RBFOX1: variants seen among roughly 807,000 people sequenced by gnomAD.
RBFOX1 encodes RNA binding protein fox-1 homolog 1.
RBFOX1 carries 8 observed loss-of-function variants against 57.7 expected under a neutral mutation model. The observed-to-expected ratio is 0.14, with a 90% confidence interval of 0.08 to 0.25. The LOEUF (loss-of-function observed/expected upper bound fraction) is 0.25. Ranked by LOEUF, RBFOX1 falls within the 10% of genes least tolerant of loss-of-function variation. The pLI is 1.00. For missense variants in RBFOX1, 611 were observed against 548.5 expected (o/e 1.11, Z -1.14); for synonymous variants, 326 against 222.4 (o/e 1.47, Z -4.15).
chr16:6,606,681 A>G (rs568504600), intron 2 of RBFOX1, among the ~76,000 whole-genome samples: 3 of 152,196 alleles, frequency 2.0e-5, no homozygotes, highest in East Asian at 3.9e-4. Context: ...CCCTGCAAAA[A>G]ACATCTCATT....
intron 4 of RBFOX1, among the ~76,000 whole-genome samples, chr16:7,116,619 G>T (rs542762544): frequency 6.6e-6 from 1 of 152,300 alleles, no homozygotes; most frequent in Admixed American, 6.5e-5. Flanking sequence ...CACAGCAGCT[G>T]TCCAGGGCTG....
intron 1 of RBFOX1, among the ~76,000 whole-genome samples, chr16:6,065,406 T>C (rs2152470027): frequency 6.6e-6 from 1 of 152,208 alleles, no homozygotes; most frequent in East Asian, 1.9e-4. Flanking sequence ...ACAGTTTCAG[T>C]GCTATTGTGT....
intron 4 of RBFOX1, among the ~76,000 whole-genome samples, chr16:5,908,303 C>CACATATATATACACATATATATATAT: frequency 1.4e-5 from 1 of 69,512 alleles, no homozygotes; most frequent in Admixed American, 1.7e-4. Flanking sequence ...TATATATATA[C>CACATATATATACACATATATATATAT]ACACATATAT....
intron 2 of RBFOX1, among the ~76,000 whole-genome samples, chr16:6,352,717 A>G (rs188029166): frequency 7.6e-4 from 116 of 152,248 alleles, no homozygotes; most frequent in African/African-American, 2.7e-3. Flanking sequence ...CATTTATCAT[A>G]TTGAAGCAGC....
At chr16:6,462,286 G>T (rs1324532746) in intron 2 of RBFOX1, among the ~76,000 whole-genome samples, 2 of 152,158 alleles carry the variant, frequency 1.3e-5, no homozygotes, top group Admixed American at 6.6e-5. Context: ...ATGCTCTTCT[G>T]TATGGTCCCC....
chr16:5,609,203 C>T (rs1054707736), intron 3 of RBFOX1, among the ~76,000 whole-genome samples: 1 of 152,186 alleles, frequency 6.6e-6, no homozygotes, highest in Admixed American at 6.5e-5. Context: ...GGGCCTTCTT[C>T]CAAACTCCCA....
At chr16:6,861,817 C>T (rs959983429) in intron 3 of RBFOX1, among the ~76,000 whole-genome samples, 1 of 140,406 alleles carries the variant, frequency 7.1e-6, no homozygotes, top group African/African-American at 2.8e-5. Flanking sequence ...TAGCCAGCGT[C>T]CCTTGGTTTT....
chr16:6,445,696 C>A (rs2094470844), intron 2 of RBFOX1, among the ~76,000 whole-genome samples: 1 of 151,820 alleles, frequency 6.6e-6, no homozygotes, highest in Non-Finnish European at 1.5e-5. Context: ...GATTCTCCTG[C>A]CTCAGCCTCC....
intron 2 of RBFOX1, among the ~76,000 whole-genome samples, chr16:5,572,528 C>T (rs142113469): frequency 1.3e-5 from 2 of 152,100 alleles, no homozygotes; most frequent in Non-Finnish European, 1.5e-5. Context: ...CATCTTCTTC[C>T]CCAGTCATGA....
At chr16:5,469,538 G>A (rs938636069) in intron 2 of RBFOX1, among the ~76,000 whole-genome samples, 6 of 152,112 alleles carry the variant, frequency 3.9e-5, no homozygotes, top group Admixed American at 6.5e-5. Context: ...GAAGTTAGGC[G>A]TTTTACAGTG....
chr16:6,519,597 A>G (rs8047358), intron 2 of RBFOX1, among the ~76,000 whole-genome samples: 90,303 of 151,908 alleles, frequency 0.59, 28,194 homozygotes, highest in East Asian at 0.79. Flanking sequence ...GCTACTCAGG[A>G]GGCTGAGGCC....
chr16:7,464,447 G>A (rs1283037654), intron 4 of RBFOX1, among the ~76,000 whole-genome samples: 1 of 151,910 alleles, frequency 6.6e-6, no homozygotes, highest in East Asian at 1.9e-4. Flanking sequence ...TCTGCAAAAT[G>A]GATCAGGAGG....
chr16:7,065,407 C>G lies in RBFOX1; in HGVS notation c.27+13309C>G, dbSNP rs533738620. On this transcript the variant is annotated intron_variant, in intron 4 of 15. Coordinates refer to ENST00000550418, the MANE Select transcript of RBFOX1 (RefSeq NM_018723.4). ...TCGTGTTCAGCATCATCTCCAAGCA[C>G]CCTGCCTCGTTCCTCTGTCCACATG... Among the ~76,000 whole-genome samples the G allele has an allele frequency of 1.2e-3, 190 of 152,268 alleles. 1 individual carries two copies. The highest frequency in any genetic ancestry group is 4.2e-3 in the African/African-American group (175 of 41,550).
At chr16:5,625,106 C>T (rs764811489) in intron 3 of RBFOX1, among the ~76,000 whole-genome samples, 2 of 152,234 alleles carry the variant, frequency 1.3e-5, no homozygotes, top group African/African-American at 2.4e-5. Flanking sequence ...ATGGACCCAG[C>T]GTTACCATTT....
intron 4 of RBFOX1, among the ~76,000 whole-genome samples, chr16:5,999,724 G>C (rs553843619): frequency 2.6e-5 from 4 of 152,086 alleles, no homozygotes; most frequent in Admixed American, 2.0e-4. Context: ...AGCCGGGCTT[G>C]GTGGCGGGCG....
rs2148655850 is a variant in RBFOX1 at position 7,712,966 on chromosome 16, T to C, written c.*2221T>C. On this transcript the variant is annotated 3_prime_UTR_variant, in exon 16 of 16. Coordinates refer to ENST00000550418, the MANE Select transcript of RBFOX1 (RefSeq NM_018723.4). ...TACTTTCCCCCATGACTGTATGTAGTTTTAATAAAATCATTTAGAGTGAGT... is the reference window on the plus strand; with the variant it reads ...TACTTTCCCCCATGACTGTATGTAGCTTTAATAAAATCATTTAGAGTGAGT... 1 of 152,372 alleles carries C rather than the reference T, an allele frequency of 6.6e-6. No homozygotes were observed. 9.4% of individuals were successfully genotyped at this position (152,372 alleles called of 1,614,324 possible).
At chr16:5,325,245 T>G (rs1245966444) in intron 1 of RBFOX1, among the ~76,000 whole-genome samples, 15 of 152,058 alleles carry the variant, frequency 9.9e-5, no homozygotes, top group Non-Finnish European at 5.9e-5. Context: ...TTGTCACCTC[T>G]TTTTTCCTTT....
At chr16:6,548,692 C>G (rs1004233968) in intron 2 of RBFOX1, among the ~76,000 whole-genome samples, 2 of 152,166 alleles carry the variant, frequency 1.3e-5, no homozygotes, top group African/African-American at 2.4e-5. Context: ...GAAGATTTCA[C>G]GATGTCGCAA....
At chr16:7,023,229 C>T (rs562318777) in intron 3 of RBFOX1, among the ~76,000 whole-genome samples, 172 of 152,066 alleles carry the variant, frequency 1.1e-3, no homozygotes, top group Non-Finnish European at 2.0e-3. Flanking sequence ...ATAATCCTAT[C>T]ACTTTGGGAG....
Sources: allele counts gnomAD v4.1 joint callset (sites outside exome capture counted in the v4.1 genomes callset), GRCh38; gene constraint gnomAD v4.1.1; transcripts MANE v1.5; gene names NCBI Gene and HGNC (gene_info 2026-07-23, HGNC 2026-07-21).